Variants in CSGALNACT1 observed in about 807,000 individuals in gnomAD.
CSGALNACT1 encodes the protein chondroitin sulfate N-acetylgalactosaminyltransferase 1.
CSGALNACT1 carries 52 observed loss-of-function variants against 51.0 expected under a neutral mutation model. The ratio of observed to expected loss-of-function variants is 1.02; its 90% CI spans 0.82 to 1.29. CSGALNACT1 has a LOEUF of 1.29. Ranked by LOEUF, CSGALNACT1 falls within the 50% of genes most tolerant of loss-of-function variation. The pLI is 0.00. For missense variants in CSGALNACT1, 935 were observed against 679.2 expected (o/e 1.38, Z -4.19); for synonymous variants, 341 against 254.4 (o/e 1.34, Z -3.24).
chr8:19,492,300 T>C (rs1295881733), intron 4 of CSGALNACT1, among the ~76,000 whole-genome samples: 2 of 152,150 alleles, frequency 1.3e-5, no homozygotes, highest in Non-Finnish European at 2.9e-5. Flanking sequence ...GTTGAAGCCC[T>C]CACGATGAAA....
At chr8:19,413,376 C>T (rs940034909) in intron 8 of CSGALNACT1, among the ~76,000 whole-genome samples, 6 of 152,182 alleles carry the variant, frequency 3.9e-5, no homozygotes, top group Non-Finnish European at 5.9e-5. Context: ...CTACAGGCAT[C>T]TGGCCCTCAA....
intron 1 of CSGALNACT1, among the ~76,000 whole-genome samples, chr8:19,611,450 A>T (rs563546900): frequency 1.6e-3 from 251 of 152,324 alleles, no homozygotes; most frequent in African/African-American, 5.1e-3. Context: ...ACCACGCCCC[A>T]ATCTAATGGA....
At chr8:19,581,648 A>C (rs1217808836) in intron 3 of CSGALNACT1, among the ~76,000 whole-genome samples, 12 of 152,192 alleles carry the variant, frequency 7.9e-5, no homozygotes, top group Non-Finnish European at 1.0e-4. Context: ...CACTTACTGT[A>C]TAAAAATATT....
intron 3 of CSGALNACT1, among the ~76,000 whole-genome samples, chr8:19,536,096 A>G (rs1171995056): frequency 6.6e-6 from 1 of 152,092 alleles, no homozygotes. Flanking sequence ...AAACTCCTTG[A>G]GTAAGTGAGT....
At chr8:19,439,235 G>A (rs1159785266) in intron 6 of CSGALNACT1, among the ~76,000 whole-genome samples, 29 of 152,188 alleles carry the variant, frequency 1.9e-4, no homozygotes, top group Admixed American at 1.9e-3. Flanking sequence ...GATCAACTAG[G>A]TATAAATGTA....
At chr8:19,603,418 C>G (rs914469947), upstream of CSGALNACT1, among the ~76,000 whole-genome samples, 12 of 152,352 alleles carry the variant, frequency 7.9e-5, no homozygotes, top group Admixed American at 2.6e-4. Flanking sequence ...GCTCTTGGCC[C>G]CAACTCGGTC....
At chr8:19,731,055 A>G (rs554438139) in intron 1 of CSGALNACT1, among the ~76,000 whole-genome samples, 1 of 152,282 alleles carries the variant, frequency 6.6e-6, no homozygotes, top group African/African-American at 2.4e-5. Flanking sequence ...GGCTCTGTGA[A>G]AGAAAAGGAA....
At chr8:19,701,387 T>G (rs1361665643) in intron 1 of CSGALNACT1, among the ~76,000 whole-genome samples, 8 of 151,028 alleles carry the variant, frequency 5.3e-5, no homozygotes, top group Non-Finnish European at 1.2e-4. Context: ...CTCCTGACCT[T>G]GAGTGATCTG....
chr8:19,674,800 C>T (rs190840528), intron 1 of CSGALNACT1, among the ~76,000 whole-genome samples: 26 of 151,826 alleles, frequency 1.7e-4, no homozygotes, highest in East Asian at 1.9e-4. Flanking sequence ...CCTGGAAACG[C>T]GAAGAAGTTG....
chr8:19,509,468 A>T (rs2078026944), intron 3 of CSGALNACT1, among the ~76,000 whole-genome samples: 1 of 151,880 alleles, frequency 6.6e-6, no homozygotes, highest in African/African-American at 2.4e-5. Context: ...AAAATACAAA[A>T]ATTAGTCAGG....
At chr8:19,602,506 C>T (rs894376808), upstream of CSGALNACT1, 3 of 152,616 alleles carry the variant, frequency 2.0e-5, no homozygotes, top group Admixed American at 1.3e-4. Context: ...GCCCACAGCG[C>T]CCCAGCCGCG....
chr8:19,633,215 T>C (rs1169023236), intron 1 of CSGALNACT1, among the ~76,000 whole-genome samples: 1 of 152,138 alleles, frequency 6.6e-6, no homozygotes, highest in Admixed American at 6.5e-5. Context: ...AGGTCGTCGG[T>C]GAATCTTTAT....
At chr8:19,675,697 T>C (rs2060125717) in intron 1 of CSGALNACT1, among the ~76,000 whole-genome samples, 1 of 152,170 alleles carries the variant, frequency 6.6e-6, no homozygotes, top group Non-Finnish European at 1.5e-5. Context: ...TTTCACTGTG[T>C]TGGCCAGGCT....
intron 4 of CSGALNACT1, among the ~76,000 whole-genome samples, chr8:19,464,161 C>T (rs543700615): frequency 6.6e-6 from 1 of 152,264 alleles, no homozygotes; most frequent in East Asian, 1.9e-4. Flanking sequence ...CCCCATTCAC[C>T]CACATTCATT....
At chr8:19,635,455 T>C (rs1204611416) in intron 1 of CSGALNACT1, among the ~76,000 whole-genome samples, 1 of 152,210 alleles carries the variant, frequency 6.6e-6, no homozygotes, top group Non-Finnish European at 1.5e-5. Flanking sequence ...ATGGCAGATC[T>C]GAACCGCCGC....
chr8:19,655,988 G>C (rs17480902), intron 1 of CSGALNACT1, among the ~76,000 whole-genome samples: 1 of 152,070 alleles, frequency 6.6e-6, no homozygotes, highest in African/African-American at 2.4e-5. Context: ...AGAGGATAGA[G>C]TATTTCAGTT....
chr8:19,530,340 G>A (rs970110807), intron 3 of CSGALNACT1, among the ~76,000 whole-genome samples: 8 of 148,768 alleles, frequency 5.4e-5, no homozygotes, highest in South Asian at 4.3e-4. Context: ...ACACACACAC[G>A]CACACAAGTA....
At chr8:19,547,619 G>A (rs144127361) in intron 3 of CSGALNACT1, among the ~76,000 whole-genome samples, 434 of 152,288 alleles carry the variant, frequency 2.8e-3, no homozygotes, top group African/African-American at 9.8e-3. Flanking sequence ...GTGGAACTGT[G>A]AGTCCACTAA....
At chr8:19,583,893 G>C (rs2046102085) in intron 3 of CSGALNACT1, among the ~76,000 whole-genome samples, 1 of 152,164 alleles carries the variant, frequency 6.6e-6, no homozygotes, top group Admixed American at 6.5e-5. Context: ...CTTTGGGTTT[G>C]AGAGAAGTCA....
Sources: gnomAD v4.1 joint callset for allele counts (sites outside exome capture counted in the v4.1 genomes callset) on GRCh38, gnomAD v4.1.1 for gene constraint, MANE v1.5 for transcripts, NCBI Gene and HGNC (gene_info 2026-07-23, HGNC 2026-07-21) for gene names.